The following DLG1 variants were observed in gnomAD, a reference collection of about 807,000 sequenced individuals.
The protein encoded by DLG1 is disks large homolog 1.
A neutral mutation model predicts 123.4 loss-of-function variants in DLG1; 42 were observed. That is an observed-to-expected ratio of 0.34 (90% CI 0.27 to 0.44). The LOEUF is 0.44. Among genes scored for constraint, DLG1 ranks in the 20% least tolerant of loss-of-function variants. The pLI, the probability that DLG1 is intolerant of heterozygous loss-of-function variation, is 1.00. For missense variants in DLG1, 942 were observed against 1,082.6 expected (o/e 0.87, Z 1.82); for synonymous variants, 317 against 356.2 (o/e 0.89, Z 1.24).
intron 4 of DLG1, among the ~76,000 whole-genome samples, chr3:197,202,396 T>C (rs149180318): frequency 1.3e-5 from 2 of 152,280 alleles, no homozygotes; most frequent in African/African-American, 2.4e-5. Context: ...GCAAACTGAA[T>C]CCAACACTAT....
chr3:197,133,676 T>G (rs1390619024), intron 10 of DLG1, among the ~76,000 whole-genome samples: 2 of 152,134 alleles, frequency 1.3e-5, no homozygotes, highest in Non-Finnish European at 2.9e-5. Context: ...GAGTGAATAG[T>G]AAAAAGGAGA....
In DLG1 at chr3:197,042,817, A is replaced by G. The variant is rs758821402; in HGVS notation, c.*1806T>C. 6.6e-6 allele frequency: 1 copy of G among 152,258 alleles called. No individual in the cohort carries two copies. Among genetic ancestry groups the G allele is most frequent in the Non-Finnish European group, 1.5e-5 (1 of 68,038 alleles). The allele number at this position is 152,258 out of a possible 1,614,324, so 9.4% of individuals were successfully genotyped here. On this transcript the variant is annotated 3_prime_UTR_variant, in exon 25 of 25. Coordinates refer to ENST00000667157, the MANE Select transcript of DLG1 (RefSeq NM_001366207.1). The stretch of plus-strand genomic sequence containing the variant: ...AATGTGGTAACACACTCTGCTGCCT[A>G]ACGGCTCTTGGATTCGGTTATAAGT...
At chr3:197,223,771 T>C (rs1458730027) in intron 4 of DLG1, among the ~76,000 whole-genome samples, 2 of 152,246 alleles carry the variant, frequency 1.3e-5, no homozygotes, top group African/African-American at 4.8e-5. Flanking sequence ...GGGATAATTC[T>C]GGTATAATTC....
intron 14 of DLG1, among the ~76,000 whole-genome samples, chr3:197,101,264 C>T (rs1415175807): frequency 6.6e-6 from 1 of 152,108 alleles, no homozygotes; most frequent in Non-Finnish European, 1.5e-5. Context: ...TCAACTACAA[C>T]GTAAAACGGG....
At chr3:197,085,297 T>C (rs975444865) in intron 16 of DLG1, 1 of 389,872 alleles carries the variant, frequency 2.6e-6, no homozygotes, top group African/African-American at 2.1e-5. Flanking sequence ...CATGCTTACA[T>C]GTTGGAGGTG....
At chr3:197,084,891 A>G (rs143012437) in intron 16 of DLG1, among the ~76,000 whole-genome samples, 5 of 151,626 alleles carry the variant, frequency 3.3e-5, no homozygotes, top group African/African-American at 1.2e-4. Flanking sequence ...AGTTCAAGCA[A>G]TTCTCCTGCC....
chr3:197,153,061 T>A (rs1464096307), intron 5 of DLG1, among the ~76,000 whole-genome samples: 1 of 152,224 alleles, frequency 6.6e-6, no homozygotes, highest in East Asian at 1.9e-4. Context: ...ATTTGTCTAG[T>A]GTTTCTTTCT....
At chr3:197,156,560 G>A (rs1796499323) in intron 5 of DLG1, among the ~76,000 whole-genome samples, 1 of 152,072 alleles carries the variant, frequency 6.6e-6, no homozygotes, top group Non-Finnish European at 1.5e-5. Flanking sequence ...GTACACAAGA[G>A]ACTCACTGTA....
chr3:197,192,563 G>A (rs1015012537), intron 5 of DLG1, among the ~76,000 whole-genome samples: 2 of 151,924 alleles, frequency 1.3e-5, no homozygotes, highest in African/African-American at 4.8e-5. Flanking sequence ...CAGATTTTTT[G>A]GCTGTTTACT....
chr3:197,179,136 A>G (rs758511869), intron 5 of DLG1, among the ~76,000 whole-genome samples: 2 of 152,210 alleles, frequency 1.3e-5, no homozygotes, highest in Non-Finnish European at 2.9e-5. Flanking sequence ...TTTAACGTGC[A>G]GTCTGCGAGT....
intron 5 of DLG1, among the ~76,000 whole-genome samples, chr3:197,177,560 G>A (rs1807797461): frequency 6.6e-6 from 1 of 152,068 alleles, no homozygotes. Flanking sequence ...AATCTAGGAT[G>A]GTCCAAGATG....
At chr3:197,099,194 T>C (rs555771915) in intron 14 of DLG1, among the ~76,000 whole-genome samples, 1 of 152,342 alleles carries the variant, frequency 6.6e-6, no homozygotes, top group Admixed American at 6.5e-5. Context: ...GCCTCTCAAG[T>C]AGCTGAGCCT....
chr3:197,291,280 T>C (rs1418485276), intron 3 of DLG1, among the ~76,000 whole-genome samples: 2 of 146,332 alleles, frequency 1.4e-5, no homozygotes, highest in Non-Finnish European at 3.0e-5. Flanking sequence ...TTTTCCTTAC[T>C]CAAATCTAGC....
In DLG1 at chr3:197,140,231, C is replaced by T; in HGVS notation, c.622G>A (p.Gly208Ser). 1 of 1,613,222 alleles carries T rather than the reference C, an allele frequency of 6.2e-7. No individual in the cohort carries two copies. Among genetic ancestry groups the T allele is most frequent in the Non-Finnish European group, 8.5e-7 (1 of 1,179,544 alleles). Residue 208 changes from glycine (G) to serine (S), a missense_variant, in exon 8 of 25, where the codon GGT becomes AGT. Gly to Ser is a moderately conservative substitution (Grantham distance 56, BLOSUM62 0). Transcript: ENST00000667157. ...TCTCCAATGTGTGGGTTGTCCGTAC[C>T]TCCTGCAATGCTGAAACCAAGCCCT... Reference protein sequence around the residue: ...NSGLGFSIAGGTDNPHIGDDS... With the variant: ...NSGLGFSIAGSTDNPHIGDDS...
At chr3:197,182,418 A>C (rs946192279) in intron 5 of DLG1, among the ~76,000 whole-genome samples, 19 of 152,184 alleles carry the variant, frequency 1.2e-4, no homozygotes, top group Non-Finnish European at 2.4e-4. Context: ...ATATTTGAGA[A>C]AAGTAAGTAG....
chr3:197,120,238 G>A (rs113942371), intron 11 of DLG1, among the ~76,000 whole-genome samples: 15 of 146,348 alleles, frequency 1.0e-4, no homozygotes, highest in African/African-American at 3.8e-4. Flanking sequence ...TCCAGCCTAC[G>A]TAGGTGACAG....
At chr3:197,120,652 T>C (rs574964469) in intron 11 of DLG1, among the ~76,000 whole-genome samples, 9 of 152,264 alleles carry the variant, frequency 5.9e-5, no homozygotes, top group Non-Finnish European at 8.8e-5. Context: ...AGTACAAAAA[T>C]GCAGGAATTA....
intron 17 of DLG1, among the ~76,000 whole-genome samples, chr3:197,079,008 G>C (rs1426121438): frequency 2.0e-5 from 3 of 152,068 alleles, no homozygotes; most frequent in African/African-American, 7.2e-5. Context: ...GAAAGTATTA[G>C]TTGTATCACA....
intron 5 of DLG1, among the ~76,000 whole-genome samples, chr3:197,167,839 T>C (rs1331267016): frequency 6.6e-6 from 1 of 152,222 alleles, no homozygotes; most frequent in Non-Finnish European, 1.5e-5. Context: ...CTTGTGCCTC[T>C]GTTGTTTTTT....
Sources: gnomAD v4.1 joint callset for allele counts (sites outside exome capture counted in the v4.1 genomes callset) on GRCh38, gnomAD v4.1.1 for gene constraint, MANE v1.5 for transcripts, NCBI Gene and HGNC (gene_info 2026-07-23, HGNC 2026-07-21) for gene names.